The following EPB41 variants were observed in gnomAD, a reference collection of about 807,000 sequenced individuals.
EPB41 encodes the protein erythrocyte membrane protein band 4.1.
A neutral mutation model predicts 108.0 loss-of-function variants in EPB41; 65 were observed. The ratio of observed to expected loss-of-function variants is 0.60; its 90% CI spans 0.49 to 0.74. The LOEUF is 0.74. Ranked by LOEUF, EPB41 falls within the 30% of genes least tolerant of loss-of-function variation. EPB41 has a pLI of 0.00. For missense variants in EPB41, 875 were observed against 1,037.0 expected (o/e 0.84, Z 2.15); for synonymous variants, 336 against 358.9 (o/e 0.94, Z 0.72).
At chr1:28,922,211 G>T (rs1570626127) in intron 1 of EPB41, among the ~76,000 whole-genome samples, 2 of 151,450 alleles carry the variant, frequency 1.3e-5, no homozygotes, top group Admixed American at 6.6e-5. Flanking sequence ...CTCCTGGTCC[G>T]CCCGCCTTGG....
chr1:29,015,811 G>A (rs769628799), intron 6 of EPB41, 44 bp downstream of exon 6: 4 of 1,250,538 alleles, frequency 3.2e-6, no homozygotes, highest in South Asian at 2.5e-5. Flanking sequence ...ATATAATAAT[G>A]TGTATGATGA....
At chr1:28,952,165 A>G (rs1340819231) in intron 1 of EPB41, among the ~76,000 whole-genome samples, 1 of 152,104 alleles carries the variant, frequency 6.6e-6, no homozygotes, top group Non-Finnish European at 1.5e-5. Context: ...TACCTGATAT[A>G]GTAAAATAAA....
At chr1:28,913,455 A>G (rs756403991), upstream of EPB41, among the ~76,000 whole-genome samples, 1 of 152,198 alleles carries the variant, frequency 6.6e-6, no homozygotes, top group Non-Finnish European at 1.5e-5. Flanking sequence ...AAATAAATAA[A>G]TAAAAGAAAA....
intron 15 of EPB41, among the ~76,000 whole-genome samples, chr1:29,063,640 C>T (rs1307333660): frequency 2.0e-5 from 3 of 152,100 alleles, no homozygotes; most frequent in Non-Finnish European, 4.4e-5. Flanking sequence ...CTGTTTCCTA[C>T]AGAGCCAAAA....
intron 16 of EPB41, among the ~76,000 whole-genome samples, chr1:29,078,857 G>A (rs1655194290): frequency 1.3e-5 from 2 of 152,090 alleles, no homozygotes; most frequent in Admixed American, 1.3e-4. Context: ...GATGATCCTA[G>A]ATATCCCCTT....
intron 1 of EPB41, among the ~76,000 whole-genome samples, chr1:28,986,728 G>C (rs531029227): frequency 5.9e-4 from 90 of 151,764 alleles, no homozygotes; most frequent in African/African-American, 2.1e-3. Flanking sequence ...CCAGGAGTTC[G>C]AGACCTGCCT....
chr1:28,888,436 T>C (rs1479067970), intron 1 of EPB41, among the ~76,000 whole-genome samples: 5 of 152,026 alleles, frequency 3.3e-5, no homozygotes, highest in Admixed American at 3.3e-4. Context: ...GGGGAAGGGA[T>C]CTGCAGGAGG....
chr1:28,921,961 T>TATATATATATATATATATAC lies in EPB41; in HGVS notation c.-8+7194_-8+7195insTATATATATATATATATACA, dbSNP rs770764638. Among the ~76,000 whole-genome samples the TATATATATATATATATATAC allele has an allele frequency of 5.1e-3, 560 of 109,524 alleles. 6 individuals are homozygous for TATATATATATATATATATAC. The highest frequency in any genetic ancestry group is 0.015 in the East Asian group (19 of 1,272). The allele number at this position is 109,524 out of a possible 152,430, so 71.9% of individuals were successfully genotyped here. A position where few individuals can be genotyped will look rare whatever the true frequency, so the allele number is the denominator to read the frequency against. On this transcript the variant is annotated intron_variant, in intron 1 of 20. Transcript: ENST00000343067. ...TTTTATATATATATATATATATATA[T>TATATATATATATATATATAC]ACACTTTTTTTTTGTTTTTTTTTTT...
intron 4 of EPB41, among the ~76,000 whole-genome samples, chr1:29,003,028 C>T (rs1350780312): frequency 2.0e-5 from 3 of 152,128 alleles, no homozygotes; most frequent in African/African-American, 7.2e-5. Context: ...TGAGTGACTC[C>T]ATTTTTGTTT....
At chr1:29,099,268 T>TAA (rs1219575690) in intron 17 of EPB41, among the ~76,000 whole-genome samples, 253 of 122,246 alleles carry the variant, frequency 2.1e-3, no homozygotes, top group Middle Eastern at 8.4e-3. Flanking sequence ...TCCACTGCAT[T>TAA]AAAAAAAAAA....
At chr1:29,114,334 C>T (rs1670168107) in intron 19 of EPB41, among the ~76,000 whole-genome samples, 2 of 152,168 alleles carry the variant, frequency 1.3e-5, no homozygotes, top group Admixed American at 1.3e-4. Flanking sequence ...AAAGTCTGAT[C>T]GACTTGAGTT....
intron 1 of EPB41, among the ~76,000 whole-genome samples, chr1:28,942,215 G>A (rs2094316586): frequency 6.6e-6 from 1 of 152,320 alleles, no homozygotes; most frequent in African/African-American, 2.4e-5. Context: ...AAGGATAGCA[G>A]CTGGGTGTCC....
At chr1:28,929,432 G>A (rs1316810240) in intron 1 of EPB41, among the ~76,000 whole-genome samples, 16 of 151,340 alleles carry the variant, frequency 1.1e-4, no homozygotes, top group Admixed American at 8.6e-4. Flanking sequence ...GGGTTTCACC[G>A]TGTTAGCCAG....
At chr1:29,015,027 C>T (rs1166317353) in intron 5 of EPB41, among the ~76,000 whole-genome samples, 3 of 151,998 alleles carry the variant, frequency 2.0e-5, no homozygotes, top group Non-Finnish European at 4.4e-5. Context: ...TGCCTGTAGA[C>T]CCAGCATTTC....
intron 14 of EPB41, 24 bp from the exon 15 acceptor site, chr1:29,060,397 GT>G (rs1646304235): frequency 6.2e-7 from 1 of 1,607,920 alleles, no homozygotes; most frequent in South Asian, 1.1e-5. Context: ...ATGCTTTTCT[GT>G]TTTCCCCCCT....
chr1:28,967,810 C>CTTTTTTT (rs1278947795), intron 1 of EPB41, among the ~76,000 whole-genome samples: 2 of 121,158 alleles, frequency 1.7e-5, no homozygotes, highest in Non-Finnish European at 3.5e-5. Flanking sequence ...TGGGCCTTGT[C>CTTTTTTT]TTTTTTTTTT....
intron 1 of EPB41, among the ~76,000 whole-genome samples, chr1:28,922,911 G>T (rs2093201526): frequency 6.6e-6 from 1 of 151,560 alleles, no homozygotes; most frequent in Non-Finnish European, 1.5e-5. Context: ...ACAGGTGTGA[G>T]CCATTGTGCC....
In EPB41 at chr1:29,051,191, C is replaced by T. The variant is rs868358795; in HGVS notation, c.1637-1913C>T. Among the ~76,000 whole-genome samples the T allele has an allele frequency of 3.1e-5, 4 of 129,846 alleles. No homozygotes were observed. In the South Asian group the frequency reaches 1.1e-3, roughly 35 times the overall value. 85.2% of individuals were successfully genotyped at this position (129,846 alleles called of 152,430 possible). ...TCAGCTCACTGCAACCTCTGCCTCT[C>T]GGGTTCAAGTGATTCTCCTGCCTCA... On this transcript the variant is annotated intron_variant, in intron 11 of 20. Coordinates refer to ENST00000343067, the MANE Select transcript of EPB41 (RefSeq NM_001376013.1).
intron 4 of EPB41, among the ~76,000 whole-genome samples, chr1:29,009,143 CTT>C (rs11330641): frequency 5.8e-4 from 81 of 140,452 alleles, no homozygotes; most frequent in Middle Eastern, 3.6e-3. Context: ...TTTAATCCTT[CTT>C]TTTTTTTTTT....
Sources: gnomAD v4.1 joint callset for allele counts (sites outside exome capture counted in the v4.1 genomes callset) on GRCh38, gnomAD v4.1.1 for gene constraint, MANE v1.5 for transcripts, NCBI Gene and HGNC (gene_info 2026-07-23, HGNC 2026-07-21) for gene names.